DTHD1: variants seen among roughly 807,000 people sequenced by gnomAD.
DTHD1 encodes the protein death domain-containing protein 1.
DTHD1 carries 59 observed loss-of-function variants against 74.8 expected under a neutral mutation model. That is an observed-to-expected ratio of 0.79 (90% CI 0.64 to 0.98). The LOEUF is 0.98. DTHD1 is among the 50% of genes least tolerant of loss of function. The pLI is 0.00. For synonymous variants in DTHD1, 365 were observed against 371.1 expected, an observed-to-expected ratio of 0.98 and a Z score of 0.19; for missense variants, 1,051 against 1,065.4, an observed-to-expected ratio of 0.99 and a Z score of 0.19.
Position 36,308,451 on chromosome 4 carries a change from G to C in DTHD1, c.2053G>C (p.Glu685Gln). Residue 685 changes from glutamate (E) to glutamine (Q), a missense_variant, in exon 7 of 10, where the codon GAA (glutamate) becomes CAA (glutamine). Glu to Gln is a conservative substitution (Grantham distance 29). Coordinates refer to ENST00000639862, the MANE Select transcript of DTHD1 (RefSeq NM_001170700.3). ...PSRHFQVREG[E>Q]QLLLRFTGNI... ...TCGTCATTTCCAAGTTCGAGAAGGA[G>C]AACAACTTCTTTTAAGATTTACTGG... 6.4e-7 allele frequency: 1 copy of C among 1,551,752 alleles called. No individual in the cohort carries two copies. Among genetic ancestry groups the C allele is most frequent in the Admixed American group, 2.0e-5 (1 of 50,998 alleles).
Position 36,281,967 on chromosome 4 carries a change from G to C in DTHD1, c.209G>C (p.Arg70Pro), listed in dbSNP as rs140029129. The C allele has an allele frequency of 4.0e-6, 6 of 1,486,738 alleles. No individual in the cohort carries two copies. The highest frequency in any genetic ancestry group is 1.4e-5 in the South Asian group (1 of 72,688). The allele number at this position is 1,486,738 out of a possible 1,614,324, so 92.1% of individuals were successfully genotyped here. A position where few individuals can be genotyped will look rare whatever the true frequency, so the allele number is the denominator to read the frequency against. ...CTGGAGCACACCTCAGGCACCCTGC[G>C]TTCCACCTGCCAGCAGCTGCATGTG... ...QLLEHTSGTL[R>P]STCQQLHVLL... The change falls in exon 1 of 10, where the codon CGT becomes CCT. Residue 70 changes from arginine to proline, a missense_variant. Transcript: ENST00000639862.
intron 5 of DTHD1, among the ~76,000 whole-genome samples, chr4:36,304,185 A>G (rs965139322): frequency 1.3e-5 from 2 of 152,240 alleles, no homozygotes; most frequent in Non-Finnish European, 2.9e-5. Context: ...AGGTTTTGAC[A>G]GAAAAGAAAG....
intron 9 of DTHD1, among the ~76,000 whole-genome samples, chr4:36,341,238 G>C (rs764713777): frequency 6.6e-6 from 1 of 152,090 alleles, no homozygotes; most frequent in Non-Finnish European, 1.5e-5. Flanking sequence ...CAGTAGCAAG[G>C]GATGAGGAGG....
In DTHD1 at chr4:36,344,096, T is replaced by C. The variant is rs993777528; in HGVS notation, c.*272T>C. The C allele has an allele frequency of 1.4e-5, 5 of 366,170 alleles. No homozygotes were observed. The highest frequency in any genetic ancestry group is 1.0e-4 in the African/African-American group (5 of 49,190). 22.7% of individuals were successfully genotyped at this position (366,170 alleles called of 1,614,324 possible). On this transcript the variant is annotated 3_prime_UTR_variant, in exon 10 of 10. Transcript: ENST00000639862. Reference sequence around the variant, plus strand: ...ACTTAATAGCATTTGCAATTGAGTTTGACTTGTTCACATTTTAAAAGCTAA... The same window carrying C: ...ACTTAATAGCATTTGCAATTGAGTTCGACTTGTTCACATTTTAAAAGCTAA...
chr4:36,339,659 G>A (rs758791385), intron 9 of DTHD1, among the ~76,000 whole-genome samples: 3 of 152,166 alleles, frequency 2.0e-5, no homozygotes, highest in Non-Finnish European at 4.4e-5. Flanking sequence ...GGTAGAATTG[G>A]AAACTTTTAT....
In DTHD1 at chr4:36,281,686, A is replaced by G. The variant is rs2109431332; in HGVS notation, c.-73A>G. ...CTCCTAGAGTTTAGGAGAAATAACA[A>G]TCACAAAGTTTGAATTTGCAAAACC... On this transcript the variant is annotated 5_prime_UTR_variant, in exon 1 of 10. Transcript: ENST00000639862. The G allele has an allele frequency of 8.1e-7, 1 of 1,234,580 alleles. No homozygotes were observed. The highest frequency in any genetic ancestry group is 1.0e-6 in the Non-Finnish European group (1 of 988,844). The allele number at this position is 1,234,580 out of a possible 1,614,324, so 76.5% of individuals were successfully genotyped here.
intron 8 of DTHD1, among the ~76,000 whole-genome samples, chr4:36,317,658 T>C (rs1176693024): frequency 6.6e-6 from 1 of 152,224 alleles, no homozygotes; most frequent in African/African-American, 2.4e-5. Context: ...GGAATAGTGC[T>C]TCTCTAAATG....
chr4:36,306,065 A>T (rs1757030422), intron 5 of DTHD1, 126 bp from the exon 6 acceptor site: 1 of 963,994 alleles, frequency 1.0e-6, no homozygotes, highest in South Asian at 1.8e-5. Flanking sequence ...GCAAAGCATA[A>T]TTCCTGGCAC....
intron 3 of DTHD1, among the ~76,000 whole-genome samples, chr4:36,292,751 CA>C (rs1219194915): frequency 2.0e-5 from 3 of 152,210 alleles, no homozygotes; most frequent in African/African-American, 7.2e-5. Context: ...ATTATCCACG[CA>C]TGCTGGGGCA....
intron 9 of DTHD1, among the ~76,000 whole-genome samples, chr4:36,340,950 G>A (rs1023783185): frequency 3.3e-5 from 5 of 152,010 alleles, no homozygotes; most frequent in African/African-American, 1.2e-4. Flanking sequence ...GGAGAAGCAG[G>A]GGAGGCCAGG....
At chr4:36,322,121 T>C (rs899944325) in intron 8 of DTHD1, among the ~76,000 whole-genome samples, 2 of 151,790 alleles carry the variant, frequency 1.3e-5, no homozygotes, top group African/African-American at 4.8e-5. Flanking sequence ...TCTGCCCTAT[T>C]TTTTCCCTCT....
At chr4:36,316,576 C>T (rs1350652944) in intron 8 of DTHD1, 90 bp downstream of exon 8, 7 of 1,294,110 alleles carry the variant, frequency 5.4e-6, no homozygotes, top group African/African-American at 1.5e-5. Context: ...GAGACACATA[C>T]AGTTAAAAGA....
intron 1 of DTHD1, among the ~76,000 whole-genome samples, chr4:36,283,259 A>T (rs1230646791): frequency 1.3e-5 from 2 of 152,226 alleles, no homozygotes; most frequent in African/African-American, 2.4e-5. Flanking sequence ...GTGAGAGATT[A>T]TATAAGATTT....
intron 8 of DTHD1, among the ~76,000 whole-genome samples, chr4:36,326,545 A>G (rs1048070093): frequency 4.6e-5 from 7 of 152,214 alleles, no homozygotes; most frequent in Non-Finnish European, 7.4e-5. Context: ...CAACACTCCT[A>G]ACATTATACT....
At chr4:36,325,387 G>C (rs535233600) in intron 8 of DTHD1, among the ~76,000 whole-genome samples, 1 of 152,310 alleles carries the variant, frequency 6.6e-6, no homozygotes, top group African/African-American at 2.4e-5. Flanking sequence ...AACAGCTAAA[G>C]CCATTGGAAA....
rs1049344472 is a variant in DTHD1, at chr4:36,345,997, G to A, written c.*2173G>A. Among the ~76,000 whole-genome samples the A allele has an allele frequency of 6.6e-5, 10 of 151,574 alleles. No individual in the cohort carries two copies. The highest frequency in any genetic ancestry group is 1.2e-4 in the Non-Finnish European group (8 of 67,934). The stretch of plus-strand genomic sequence containing the variant: ...GCCTACCCTTTATCAGCACTGTTTC[G>A]GGTCCACTTGTGCACCTCACATATG... On this transcript the variant is annotated 3_prime_UTR_variant, in exon 10 of 10. Transcript: ENST00000639862.
chr4:36,286,865 T>G (rs531378500), intron 2 of DTHD1, among the ~76,000 whole-genome samples: 15 of 152,330 alleles, frequency 9.8e-5, no homozygotes, highest in African/African-American at 3.4e-4. Context: ...AATAATACAG[T>G]ATTATAATTT....
At position 36,291,808 on chromosome 4, in the gene DTHD1, A is replaced by G. The variant is rs987332407; in HGVS notation, c.1218+1105A>G. On this transcript the variant is annotated intron_variant, in intron 3 of 9. Coordinates refer to ENST00000639862, the MANE Select transcript of DTHD1 (RefSeq NM_001170700.3). ...GCACCCCTGCACTCCAGCCTGGGCA[A>G]TAAGAGTGAAACTCTGTCTCAAAAC... 3.9e-5 allele frequency among the ~76,000 whole-genome samples: 6 copies of G among 152,360 alleles called. 1 individual carries two copies. The highest frequency in any genetic ancestry group is 1.5e-5 in the Non-Finnish European group (1 of 68,022).
At position 36,344,699 on chromosome 4, in the gene DTHD1, T is replaced by C. The variant is rs1313184479; in HGVS notation, c.*875T>C. Reference sequence around the variant, plus strand: ...AAGAGAGGAGGGTATTATGGAGTCATGTCCAACCTCCCCTTCCCAGCATGG... The same window carrying C: ...AAGAGAGGAGGGTATTATGGAGTCACGTCCAACCTCCCCTTCCCAGCATGG... On this transcript the variant is annotated 3_prime_UTR_variant, in exon 10 of 10. Coordinates refer to ENST00000639862, the MANE Select transcript of DTHD1 (RefSeq NM_001170700.3). The C allele has an allele frequency of 6.6e-6, 1 of 152,250 alleles. No homozygotes were observed. The highest frequency in any genetic ancestry group is 2.4e-5 in the African/African-American group (1 of 41,472). The allele number at this position is 152,250 out of a possible 1,614,324, so 9.4% of individuals were successfully genotyped here. A position where few individuals can be genotyped will look rare whatever the true frequency, so the allele number is the denominator to read the frequency against.
Sources: allele counts gnomAD v4.1 joint callset (sites outside exome capture counted in the v4.1 genomes callset), GRCh38; gene constraint gnomAD v4.1.1; transcripts MANE v1.5; gene names NCBI Gene and HGNC (gene_info 2026-07-23, HGNC 2026-07-21).